Variants in PCTP observed in about 807,000 individuals in gnomAD.
PCTP encodes START domain-containing protein 2.
A neutral mutation model predicts 31.0 loss-of-function variants in PCTP; 27 were observed. That is an observed-to-expected ratio of 0.87 (90% CI 0.64 to 1.20). The LOEUF is 1.20. Among genes scored for constraint, PCTP ranks in the 50% most tolerant of loss-of-function variants. The pLI is 0.00. For missense variants in PCTP, 287 were observed against 268.2 expected, an observed-to-expected ratio of 1.07 and a Z score of -0.49; for synonymous variants, 108 against 101.2, an observed-to-expected ratio of 1.07 and a Z score of -0.40.
chr17:55,783,901 C>T (rs1490354954), intron 2 of PCTP, among the ~76,000 whole-genome samples: 2 of 152,322 alleles, frequency 1.3e-5, no homozygotes, highest in South Asian at 2.1e-4. Context: ...GCCGTTTCCT[C>T]ACCTCTCATT....
At chr17:55,841,710 A>G (rs1419679469) in intron 5 of PCTP, among the ~76,000 whole-genome samples, 1 of 152,222 alleles carries the variant, frequency 6.6e-6, no homozygotes, top group Non-Finnish European at 1.5e-5. Context: ...CATTTCCTGG[A>G]AGAATCTCAA....
intron 2 of PCTP, among the ~76,000 whole-genome samples, chr17:55,783,855 A>ACGGTGC (rs1204005207): frequency 3.9e-5 from 6 of 152,184 alleles, no homozygotes; most frequent in Non-Finnish European, 8.8e-5. Flanking sequence ...GACTTCAGCG[A>ACGGTGC]CGGTGCCGAG....
downstream of PCTP, among the ~76,000 whole-genome samples, chr17:55,846,203 C>T (rs948203289): frequency 2.0e-5 from 3 of 152,122 alleles, no homozygotes; most frequent in Non-Finnish European, 4.4e-5. Flanking sequence ...TCACCCAATG[C>T]TCTTGATAAC....
At chr17:55,791,795 C>T (rs1358296391) in intron 3 of PCTP, among the ~76,000 whole-genome samples, 1 of 152,076 alleles carries the variant, frequency 6.6e-6, no homozygotes, top group Admixed American at 6.5e-5. Context: ...ACCCAGCCAT[C>T]CCATTACTGG....
At chr17:55,775,424 C>A in intron 5 of PCTP, 1 of 1,231,924 alleles carries the variant, frequency 8.1e-7, no homozygotes, top group Non-Finnish European at 1.0e-6. Context: ...CAACAGATTC[C>A]TTGGAAGAGT....
At chr17:55,768,044 A>C (rs1398234420) in intron 2 of PCTP, among the ~76,000 whole-genome samples, 1 of 151,462 alleles carries the variant, frequency 6.6e-6, no homozygotes, top group African/African-American at 2.4e-5. Context: ...CAGTGAGCCA[A>C]GACTGTACTT....
chr17:55,774,817 G>T lies in PCTP; in HGVS notation c.537G>T (p.Pro179=). Reference sequence around the variant, plus strand: ...TTTTCATGTATTACTTCGATAACCCGGGTGGCCAAATTCCGTCCTGGCTCA... The same window carrying T: ...TTTTCATGTATTACTTCGATAACCCTGGTGGCCAAATTCCGTCCTGGCTCA... ...SKVFMYYFDN[P]GGQIPSWLIN... Residue 179 remains proline, a synonymous_variant, in exon 5 of 6, where the codon CCG becomes CCT. Transcript: ENST00000268896. The T allele has an allele frequency of 6.2e-7, 1 of 1,607,950 alleles. No individual in the cohort carries two copies. The highest frequency in any genetic ancestry group is 8.5e-7 in the Non-Finnish European group (1 of 1,176,866).
chr17:55,816,333 C>G (rs1463870381), intron 3 of PCTP, among the ~76,000 whole-genome samples: 1 of 152,078 alleles, frequency 6.6e-6, no homozygotes, highest in Non-Finnish European at 1.5e-5. Flanking sequence ...GGATATTTCT[C>G]TATGAAATAT....
intron 3 of PCTP, among the ~76,000 whole-genome samples, chr17:55,805,590 GTATA>G (rs1267982239): frequency 6.6e-6 from 1 of 151,386 alleles, no homozygotes; most frequent in Non-Finnish European, 1.5e-5. Context: ...ACACATATAT[GTATA>G]TATATACATA....
At chr17:55,772,827 C>G (rs1382005314) in intron 3 of PCTP, among the ~76,000 whole-genome samples, 1 of 152,110 alleles carries the variant, frequency 6.6e-6, no homozygotes, top group Non-Finnish European at 1.5e-5. Flanking sequence ...TGTTTCATCA[C>G]TTCAGCTGGG....
intron 3 of PCTP, among the ~76,000 whole-genome samples, chr17:55,773,288 T>C (rs1258743156): frequency 6.6e-6 from 1 of 152,208 alleles, no homozygotes; most frequent in African/African-American, 2.4e-5. Flanking sequence ...GTGCTTACTC[T>C]GCCCAGGTCT....
In PCTP at chr17:55,771,156, A is replaced by AAAAGG; in HGVS notation, c.311_312insAAGGA (p.Tyr105ArgfsTer30). ...AGAGACTGTGGTCTACTGGGAAGTG[A>AAAAGG]AGTACCCTTTTCCCATGTCCAACAG... On this transcript the variant is annotated frameshift_variant, in exon 3 of 6. Coordinates refer to ENST00000268896, the MANE Select transcript of PCTP (RefSeq NM_021213.4). LOFTEE classifies it high-confidence loss of function. 1 of 1,612,906 alleles carries AAAAGG rather than the reference A, an allele frequency of 6.2e-7. No individual in the cohort carries two copies. The highest frequency in any genetic ancestry group is 1.3e-5 in the African/African-American group (1 of 74,996).
chr17:55,799,376 C>CT (rs1555569406), intron 3 of PCTP, among the ~76,000 whole-genome samples: 4 of 148,310 alleles, frequency 2.7e-5, no homozygotes, highest in Non-Finnish European at 4.5e-5. Flanking sequence ...GCAGTCCCTG[C>CT]TTTTTTTTCT....
chr17:55,833,554 T>G (rs1356973226), intron 5 of PCTP, among the ~76,000 whole-genome samples: 1 of 152,194 alleles, frequency 6.6e-6, no homozygotes, highest in African/African-American at 2.4e-5. Context: ...TTAGTGGTTT[T>G]CAAAGTATGT....
intron 3 of PCTP, among the ~76,000 whole-genome samples, chr17:55,808,866 A>C (rs911353521): frequency 6.6e-6 from 1 of 152,200 alleles, no homozygotes; most frequent in Non-Finnish European, 1.5e-5. Flanking sequence ...CCCACCCAGC[A>C]TATTTTATGT....
intron 3 of PCTP, among the ~76,000 whole-genome samples, chr17:55,801,210 A>G (rs1422848007): frequency 6.6e-6 from 1 of 152,196 alleles, no homozygotes; most frequent in Non-Finnish European, 1.5e-5. Flanking sequence ...CCAGATGTAT[A>G]AAGCAAATTC....
intron 1 of PCTP, among the ~76,000 whole-genome samples, chr17:55,757,314 A>G (rs1910088735): frequency 6.6e-6 from 1 of 151,400 alleles, no homozygotes; most frequent in Non-Finnish European, 1.5e-5. Context: ...ATGCACACTC[A>G]ATGCATGCTC....
chr17:55,851,452 G>A, the PCTP span, among the ~76,000 whole-genome samples: 2 of 152,138 alleles, frequency 1.3e-5, no homozygotes, highest in African/African-American at 4.8e-5. Flanking sequence ...GATGATATTG[G>A]GTAGTACTGG....
Position 55,782,780 on chromosome 17 carries a change from G to A in PCTP, c.229-4786G>A, listed in dbSNP as rs144370743. ...CTGAAATCTTTAAATCATGCAAGTC[G>A]TTGTTTAAATGTCCCCTCCTCTGAG... On this transcript the variant is annotated intron_variant, in intron 2 of 3. Transcript: ENST00000572536. 2.1e-3 allele frequency among the ~76,000 whole-genome samples: 317 copies of A among 152,312 alleles called. 1 individual carries two copies. The highest frequency in any genetic ancestry group is 7.3e-3 in the African/African-American group (304 of 41,564).
Sources: allele counts gnomAD v4.1 joint callset (sites outside exome capture counted in the v4.1 genomes callset), GRCh38; gene constraint gnomAD v4.1.1; transcripts MANE v1.5; gene names NCBI Gene and HGNC (gene_info 2026-07-23, HGNC 2026-07-21).